NET1: variants seen among roughly 807,000 people sequenced by gnomAD.
NET1 encodes neuroepithelial cell transforming 1.
Under a neutral mutation model 61.1 loss-of-function variants are expected in NET1, and 42 were observed. The observed-to-expected ratio is 0.69, with a 90% confidence interval of 0.54 to 0.89. The LOEUF (loss-of-function observed/expected upper bound fraction) is 0.89, where lower values mean the gene tolerates loss of function less well. NET1 is among the 40% of genes least tolerant of loss of function. The pLI, the probability that NET1 is intolerant of heterozygous loss-of-function variation, is 0.00. For synonymous variants in NET1, 254 were observed against 281.8 expected, an observed-to-expected ratio of 0.90 and a Z score of 0.99; for missense variants, 654 against 747.3, an observed-to-expected ratio of 0.88 and a Z score of 1.46.
chr10:5,425,085 A>G (rs1832238852), intron 1 of NET1, among the ~76,000 whole-genome samples: 1 of 152,168 alleles, frequency 6.6e-6, no homozygotes, highest in Non-Finnish European at 1.5e-5. Context: ...GTGAGGAACT[A>G]CTTGCAGTTT....
chr10:5,416,539 G>C lies in NET1; in HGVS notation c.128+3719G>C, dbSNP rs189112159. 1.3e-5 allele frequency among the ~76,000 whole-genome samples: 2 copies of C among 152,282 alleles called. No homozygotes were observed. The highest frequency in any genetic ancestry group is 1.3e-4 in the Admixed American group (2 of 15,298). ...GTAGTCTGATCCATGGACAAGGGAT[G>C]TTTTTCCAATTATTTAGATCTTTAA... On this transcript the variant is annotated intron_variant, in intron 1 of 11. Coordinates refer to ENST00000355029, the MANE Select transcript of NET1 (RefSeq NM_001047160.3). This position sits in a 1 kb window ranked among gnomAD's most constrained non-coding sequence, Gnocchi z 6.1.
Position 5,423,182 on chromosome 10 carries a change from G to A in NET1, c.129-3473G>A, listed in dbSNP as rs941004551. On this transcript the variant is annotated intron_variant, in intron 1 of 11. Transcript: ENST00000355029. This position sits in a 1 kb window ranked among gnomAD's most constrained non-coding sequence, Gnocchi z 4.4. ...TCTACATCCATTTTTTATGGTGAAT[G>A]CATCTTGAGGGTAAATTATGCTTTT... 2.0e-5 allele frequency among the ~76,000 whole-genome samples: 3 copies of A among 152,122 alleles called. No individual in the cohort carries two copies. The highest frequency in any genetic ancestry group is 2.0e-4 in the Admixed American group (3 of 15,288).
rs553187534 is a variant in NET1, at chr10:5,431,061, C to T, written c.255+1832C>T. Among the ~76,000 whole-genome samples, 2,172 of 151,486 alleles carry T rather than the reference C, an allele frequency of 0.014. 58 individuals are homozygous for T. Among genetic ancestry groups the T allele is most frequent in the African/African-American group, 0.049 (2,043 of 41,276 alleles). On this transcript the variant is annotated intron_variant, in intron 3 of 11. Coordinates refer to ENST00000355029, the MANE Select transcript of NET1 (RefSeq NM_001047160.3). The surrounding 1 kb of genome is among the most constrained non-coding windows in gnomAD (Gnocchi z 4.9). ...TAATTTTTTGTATTTTCAGTAGAGA[C>T]GGGGTTTCACCGTGTTAGCCAGGAT...
chr10:5,434,382 C>CATGG (rs1832393751), intron 3 of NET1, among the ~76,000 whole-genome samples: 1 of 152,218 alleles, frequency 6.6e-6, no homozygotes, highest in Admixed American at 6.5e-5. Flanking sequence ...CAAGAGTTTA[C>CATGG]ATGGCCCAGA....
rs1346487732 is a variant in NET1, at chr10:5,452,803, A to G, written c.532-55A>G. Reference sequence around the variant, plus strand: ...ATCAAATAATGTAATTATCAGTTGTATATAATTTTCCTTTCTCGAAGGAAT... The same window carrying G: ...ATCAAATAATGTAATTATCAGTTGTGTATAATTTTCCTTTCTCGAAGGAAT... On this transcript the variant is annotated intron_variant, in intron 5 of 11. Coordinates refer to ENST00000355029, the MANE Select transcript of NET1 (RefSeq NM_001047160.3). The surrounding 1 kb of genome is among the most constrained non-coding windows in gnomAD (Gnocchi z 4.0). 8.3e-6 allele frequency: 12 copies of G among 1,441,824 alleles called. No individual in the cohort carries two copies. The highest frequency in any genetic ancestry group is 1.2e-5 in the Non-Finnish European group (12 of 1,036,888). 89.3% of individuals were successfully genotyped at this position (1,441,824 alleles called of 1,614,324 possible). A position where few individuals can be genotyped will look rare whatever the true frequency, so the allele number is the denominator to read the frequency against.
rs1333917268 is a variant in NET1 at position 5,443,011 on chromosome 10, A to T, written c.256-8819A>T. On this transcript the variant is annotated intron_variant, in intron 3 of 11. Transcript: ENST00000355029. The surrounding 1 kb of genome is among the most constrained non-coding windows in gnomAD (Gnocchi z 4.8). The stretch of plus-strand genomic sequence containing the variant: ...GGCAGCTAATCTCTCAACCGTTTTT[A>T]TGGTTTCCTCCTCTATAAAAGTATT... Among the ~76,000 whole-genome samples the T allele has an allele frequency of 2.6e-5, 4 of 152,160 alleles. No homozygotes were observed. The highest frequency in any genetic ancestry group is 5.9e-5 in the Non-Finnish European group (4 of 68,018).
rs1033789804 is a variant in NET1, at chr10:5,453,157, C to A, written c.595-93C>A. On this transcript the variant is annotated intron_variant, in intron 6 of 11. Coordinates refer to ENST00000355029, the MANE Select transcript of NET1 (RefSeq NM_001047160.3). The surrounding 1 kb of genome is among the most constrained non-coding windows in gnomAD (Gnocchi z 4.9). ...GTGTAGCAAACAGAATCCACGCTAG[C>A]TTTTATGTAATTAATTCTCTTTGTT... 89 of 833,116 alleles carry A rather than the reference C, an allele frequency of 1.1e-4. No homozygotes were observed. In the South Asian group the frequency reaches 1.3e-3, roughly 12 times the overall value. The allele number at this position is 833,116 out of a possible 1,614,324, so 51.6% of individuals were successfully genotyped here.
At chr10:5,432,317 A>C (rs1832361318) in intron 3 of NET1, among the ~76,000 whole-genome samples, 1 of 152,254 alleles carries the variant, frequency 6.6e-6, no homozygotes, top group Non-Finnish European at 1.5e-5. Context: ...TACTATGTAG[A>C]GTTCCTTCAA....
chr10:5,436,186 TTGTGTGTGTGTG>T (rs139070024), intron 3 of NET1, among the ~76,000 whole-genome samples: 342 of 21,192 alleles, frequency 0.016, 1 homozygote, highest in South Asian at 0.041. Context: ...TGTGTGTGTG[TTGTGTGTGTGTG>T]TGTGTGTGTG....
Position 5,452,728 on chromosome 10 carries a change from C to A in NET1, c.532-130C>A. 1 of 977,318 alleles carries A rather than the reference C, an allele frequency of 1.0e-6. No individual in the cohort carries two copies. Among genetic ancestry groups the A allele is most frequent in the Non-Finnish European group, 1.5e-6 (1 of 655,326 alleles). 60.5% of individuals were successfully genotyped at this position (977,318 alleles called of 1,614,324 possible). ...GCAACCTTGTATTTGAGATTCCATT[C>A]TGAATTACAATTTTCAGACTGAGTT... On this transcript the variant is annotated intron_variant, in intron 5 of 11. Coordinates refer to ENST00000355029, the MANE Select transcript of NET1 (RefSeq NM_001047160.3). The surrounding 1 kb of genome is among the most constrained non-coding windows in gnomAD (Gnocchi z 4.0).
In NET1 at chr10:5,449,831, A is replaced by G; in HGVS notation, c.256-1999A>G. Among the ~76,000 whole-genome samples, 1 of 152,230 alleles carries G rather than the reference A, an allele frequency of 6.6e-6. No homozygotes were observed. The highest frequency in any genetic ancestry group is 1.9e-4 in the East Asian group (1 of 5,206). ...CTTTCCAAAGACCTTTTAAGTTGAAATTAAATATTATATTTTCTGGGAAGT... is the reference window on the plus strand; with the variant it reads ...CTTTCCAAAGACCTTTTAAGTTGAAGTTAAATATTATATTTTCTGGGAAGT... On this transcript the variant is annotated intron_variant, in intron 3 of 11. Coordinates refer to ENST00000355029, the MANE Select transcript of NET1 (RefSeq NM_001047160.3). The surrounding 1 kb of genome is among the most constrained non-coding windows in gnomAD (Gnocchi z 4.4).
At chr10:5,442,252 A>G (rs560434527) in intron 3 of NET1, among the ~76,000 whole-genome samples, 2 of 152,344 alleles carry the variant, frequency 1.3e-5, no homozygotes, top group Admixed American at 1.3e-4. Context: ...TATCTCGTGT[A>G]GAGGGCAGCA....
intron 1 of NET1, among the ~76,000 whole-genome samples, chr10:5,413,452 A>C (rs1031781688): frequency 6.6e-6 from 1 of 152,174 alleles, no homozygotes; most frequent in Non-Finnish European, 1.5e-5. Context: ...TATACATTGA[A>C]ATGAGAGTGT....
intron 3 of NET1, among the ~76,000 whole-genome samples, chr10:5,432,489 A>G (rs1266265081): frequency 6.6e-6 from 1 of 152,212 alleles, no homozygotes; most frequent in Non-Finnish European, 1.5e-5. Flanking sequence ...GTAGGGATGT[A>G]CAGTCAAATT....
At chr10:5,450,349 G>A (rs946166725) in intron 3 of NET1, among the ~76,000 whole-genome samples, 2 of 151,748 alleles carry the variant, frequency 1.3e-5, no homozygotes, top group Non-Finnish European at 2.9e-5. Flanking sequence ...GAGTCTAATT[G>A]TTTCTTTGGA....
chr10:5,426,585 T>C lies in NET1; in HGVS notation c.129-70T>C. ...TTTGAAAGTATGAAAAGTATAGCTT[T>C]TTATCTGTTTGATGCTCTATTATGC... On this transcript the variant is annotated intron_variant, in intron 1 of 11. Coordinates refer to ENST00000355029, the MANE Select transcript of NET1 (RefSeq NM_001047160.3). This position sits in a 1 kb window ranked among gnomAD's most constrained non-coding sequence, Gnocchi z 4.6. The C allele has an allele frequency of 8.1e-7, 1 of 1,233,208 alleles. No individual in the cohort carries two copies. Among genetic ancestry groups the C allele is most frequent in the Non-Finnish European group, 1.2e-6 (1 of 859,156 alleles). The allele number at this position is 1,233,208 out of a possible 1,614,324, so 76.4% of individuals were successfully genotyped here.
At position 5,412,823 on chromosome 10, in the gene NET1, G is replaced by A. The variant is rs1302189025; in HGVS notation, c.128+3G>A. ...TCCGGGTCGGAGCTGGACGGGAGGTGAGTGTGGGGGAGGGGAGGGCCGAAC... is the reference window on the plus strand; with the variant it reads ...TCCGGGTCGGAGCTGGACGGGAGGTAAGTGTGGGGGAGGGGAGGGCCGAAC... On this transcript the variant is annotated splice_donor_region_variant and intron_variant, in intron 1 of 11. Transcript: ENST00000355029. The surrounding 1 kb of genome is among the most constrained non-coding windows in gnomAD (Gnocchi z 6.5). 1 of 1,400,966 alleles carries A rather than the reference G, an allele frequency of 7.1e-7. No homozygotes were observed. The highest frequency in any genetic ancestry group is 1.5e-5 in the African/African-American group (1 of 65,906). 86.8% of individuals were successfully genotyped at this position (1,400,966 alleles called of 1,614,324 possible). A position where few individuals can be genotyped will look rare whatever the true frequency, so the allele number is the denominator to read the frequency against.
chr10:5,431,479 A>AT lies in NET1; in HGVS notation c.255+2257dup, dbSNP rs541065136. On this transcript the variant is annotated intron_variant, in intron 3 of 11. Coordinates refer to ENST00000355029, the MANE Select transcript of NET1 (RefSeq NM_001047160.3). This position sits in a 1 kb window ranked among gnomAD's most constrained non-coding sequence, Gnocchi z 4.9. ...AAATGGATGCTCATTGCCTACATGC[A>AT]TTTTTTTCTTGGTGGTTGCAAAGTG... Among the ~76,000 whole-genome samples the AT allele has an allele frequency of 1.7e-3, 244 of 147,328 alleles. 7 individuals carry two copies. The South Asian group carries it at 0.051, about 31-fold the overall frequency.
At position 5,421,417 on chromosome 10, in the gene NET1, G is replaced by C. The variant is rs955784258; in HGVS notation, c.129-5238G>C. Among the ~76,000 whole-genome samples, 3 of 152,104 alleles carry C rather than the reference G, an allele frequency of 2.0e-5. No individual in the cohort carries two copies. The highest frequency in any genetic ancestry group is 4.4e-5 in the Non-Finnish European group (3 of 68,040). ...GTAGAAAAATAATAGTATGACCTAT[G>C]ATCTACCAACAGTGATAAGGCTTAC... On this transcript the variant is annotated intron_variant, in intron 1 of 11. Coordinates refer to ENST00000355029, the MANE Select transcript of NET1 (RefSeq NM_001047160.3). This position sits in a 1 kb window ranked among gnomAD's most constrained non-coding sequence, Gnocchi z 4.2.
Sources: gnomAD v4.1 joint callset for allele counts (sites outside exome capture counted in the v4.1 genomes callset) on GRCh38, gnomAD v4.1.1 for gene constraint, Gnocchi (gnomAD v3.1) non-coding constraint, MANE v1.5 for transcripts, NCBI Gene and HGNC (gene_info 2026-07-23, HGNC 2026-07-21) for gene names.